The following FHIP1B variants were observed in gnomAD, a reference collection of about 807,000 sequenced individuals.
FHIP1B encodes the protein FHF complex subunit HOOK-interacting protein 1B.
In FHIP1B, 28 loss-of-function variants were observed where a neutral mutation model predicts 82.2. The observed-to-expected ratio is 0.34, with a 90% CI of 0.25 to 0.47. The LOEUF (loss-of-function observed/expected upper bound fraction) is 0.47, where lower values mean the gene tolerates loss of function less well. FHIP1B is among the 20% of genes least tolerant of loss of function. The probability of loss-of-function intolerance (pLI) is 1.00; values close to 1 mark genes in which losing one functional copy is unlikely to be tolerated. For missense variants in FHIP1B, 1,110 were observed against 1,262.6 expected (o/e 0.88, Z 1.83); for synonymous variants, 585 against 516.1 (o/e 1.13, Z -1.81).
chr11:6,229,206 C>T (rs1279839730), intron 1 of FHIP1B, among the ~76,000 whole-genome samples: 1 of 152,170 alleles, frequency 6.6e-6, no homozygotes, highest in African/African-American at 2.4e-5. Context: ...ACTCTGGAGT[C>T]CCTCAATGGT....
Position 6,211,604 on chromosome 11 carries a change from T to C in FHIP1B, c.2821A>G (p.Ile941Val). ...GAGGTGACGGCATGAGCCTGGGAGA[T>C]GGCAGCCAACTCCTTGAGAAATTCA... ...FPEFLKELAA[I>V]SQAHAVTSPF... Residue 941 changes from isoleucine to valine, a missense_variant, in exon 12 of 12, where the codon ATC (isoleucine) becomes GTC (valine). Physicochemically the swap from Ile to Val is conservative, Grantham distance 29. Around this residue, in one of 6 missense-constraint regions of FHIP1B, gnomAD observed 10 missense variants for 33.2 expected, o/e 0.30. Transcript: ENST00000449352. The C allele has an allele frequency of 6.2e-7, 1 of 1,614,222 alleles. No homozygotes were observed. Among genetic ancestry groups the C allele is most frequent in the Non-Finnish European group, 8.5e-7 (1 of 1,180,034 alleles).
intron 11 of FHIP1B, chr11:6,212,079 C>G: frequency 1.9e-6 from 1 of 522,426 alleles, no homozygotes. Flanking sequence ...GTGAGGAGTT[C>G]TTTCTCACTC....
At chr11:6,220,760 A>G (rs1316945727) in intron 6 of FHIP1B, among the ~76,000 whole-genome samples, 1 of 152,240 alleles carries the variant, frequency 6.6e-6, no homozygotes, top group Non-Finnish European at 1.5e-5. Context: ...AAAATGAAAG[A>G]TAGTGAGTAA....
intron 1 of FHIP1B, among the ~76,000 whole-genome samples, chr11:6,232,346 T>C (rs1847719935): frequency 6.6e-6 from 1 of 152,244 alleles, no homozygotes; most frequent in Admixed American, 6.5e-5. Context: ...CCAGGTATTA[T>C]ATATACCTGT....
At position 6,224,119 on chromosome 11, in the gene FHIP1B, G is replaced by A; in HGVS notation, c.268C>T (p.Pro90Ser). 1 of 1,613,846 alleles carries A rather than the reference G, an allele frequency of 6.2e-7. No individual in the cohort carries two copies. The highest frequency in any genetic ancestry group is 1.1e-5 in the South Asian group (1 of 91,050). The change falls in exon 3 of 12, where the codon CCC becomes TCC. Residue 90 changes from proline (P) to serine (S), a missense_variant. Coordinates refer to ENST00000449352, the MANE Select transcript of FHIP1B (RefSeq NM_001098794.2). The part of the protein sequence containing the change: ...LAEDRAVPSA[P>S]TGPGPLLEFA... ...TCCAGCAGGGGCCCAGGGCCTGTGG[G>A]GGCCGAGGGAACTGCACGGTCCTCT...
At chr11:6,228,196 C>A (rs1399533735) in intron 1 of FHIP1B, among the ~76,000 whole-genome samples, 1 of 151,942 alleles carries the variant, frequency 6.6e-6, no homozygotes, top group Non-Finnish European at 1.5e-5. Context: ...TTAAAAAATA[C>A]AAAATTAGCT....
At chr11:6,222,750 T>C (rs993671283) in intron 5 of FHIP1B, 61 bp downstream of exon 5, 3 of 1,576,022 alleles carry the variant, frequency 1.9e-6, no homozygotes, top group African/African-American at 2.7e-5. Flanking sequence ...ACGTTAGTCC[T>C]GTCACTGAGG....
chr11:6,229,286 C>G (rs1478394069), intron 1 of FHIP1B, among the ~76,000 whole-genome samples: 1 of 152,224 alleles, frequency 6.6e-6, no homozygotes, highest in African/African-American at 2.4e-5. Context: ...TGAGCCTCAG[C>G]TTCCTCATCT....
intron 1 of FHIP1B, among the ~76,000 whole-genome samples, chr11:6,229,212 A>G (rs1237643471): frequency 6.6e-6 from 1 of 152,262 alleles, no homozygotes. Context: ...GAGTCCCTCA[A>G]TGGTTTGAAT....
At chr11:6,225,254 C>T (rs917376860) in intron 1 of FHIP1B, among the ~76,000 whole-genome samples, 34 of 152,214 alleles carry the variant, frequency 2.2e-4, no homozygotes, top group African/African-American at 3.1e-4. Flanking sequence ...CTACCATTCT[C>T]CTTCTCACTC....
chr11:6,219,083 A>G (rs1447001668), intron 6 of FHIP1B, 33 bp from the exon 7 acceptor site: 2 of 1,542,218 alleles, frequency 1.3e-6, no homozygotes, highest in Admixed American at 3.5e-5. Flanking sequence ...GGGAGTCACC[A>G]TAAGAGCTCT....
At chr11:6,234,360 A>C (rs988348297) in intron 1 of FHIP1B, among the ~76,000 whole-genome samples, 184 bp downstream of exon 1, 1 of 151,946 alleles carries the variant, frequency 6.6e-6, no homozygotes, top group Non-Finnish European at 1.5e-5. Flanking sequence ...CCAGCCTCTC[A>C]CAGCCCCTCA....
intron 6 of FHIP1B, among the ~76,000 whole-genome samples, chr11:6,220,350 A>G (rs1258787282): frequency 6.6e-6 from 1 of 152,140 alleles, no homozygotes; most frequent in Non-Finnish European, 1.5e-5. Flanking sequence ...GGCCTCCTGA[A>G]AGGAACACAG....
intron 6 of FHIP1B, among the ~76,000 whole-genome samples, chr11:6,220,327 G>T (rs139905712): frequency 6.6e-6 from 1 of 152,064 alleles, no homozygotes; most frequent in Non-Finnish European, 1.5e-5. Flanking sequence ...TAAGGAAATG[G>T]ATCCTGTCCT....
chr11:6,224,673 G>C lies in FHIP1B; in HGVS notation c.-157C>G. 1.4e-6 allele frequency: 1 copy of C among 698,536 alleles called. No homozygotes were observed. 43.3% of individuals were successfully genotyped at this position (698,536 alleles called of 1,614,324 possible). A position where few individuals can be genotyped will look rare whatever the true frequency, so the allele number is the denominator to read the frequency against. ...AGGTTATACCAGGCTGGAATGGCAA[G>C]CCCAGAGGTCACTGGCCAGTCCAGA... On this transcript the variant is annotated 5_prime_UTR_variant, in exon 2 of 12. Coordinates refer to ENST00000449352, the MANE Select transcript of FHIP1B (RefSeq NM_001098794.2).
chr11:6,223,822 G>A lies in FHIP1B; in HGVS notation c.565C>T (p.Gln189Ter). ...LLSQLCVCVA[Q>*]EPSLLEFFLQ... ...AAGAACTCGAGCAATGAAGGCTCCT[G>A]GGCCACACAAACACACAGCTGGCTG... The change falls in exon 3 of 12, where the codon CAG (glutamine) becomes TAG (stop). Residue 189 changes from glutamine (Q) to a stop codon, truncating the protein, a stop_gained. Coordinates refer to ENST00000449352, the MANE Select transcript of FHIP1B (RefSeq NM_001098794.2). LOFTEE classifies it high-confidence loss of function. This position sits in a 1 kb window ranked among gnomAD's most constrained non-coding sequence, Gnocchi z 4.8. 1.2e-6 allele frequency: 2 copies of A among 1,614,202 alleles called. No individual in the cohort carries two copies. The highest frequency in any genetic ancestry group is 1.7e-6 in the Non-Finnish European group (2 of 1,180,028).
At chr11:6,233,564 T>C (rs2133859956) in intron 1 of FHIP1B, among the ~76,000 whole-genome samples, 1 of 152,320 alleles carries the variant, frequency 6.6e-6, no homozygotes, top group Non-Finnish European at 1.5e-5. Context: ...TCAAAACTCA[T>C]CAAACACACA....
intron 6 of FHIP1B, among the ~76,000 whole-genome samples, chr11:6,221,685 T>G (rs1220306761): frequency 6.6e-6 from 1 of 152,204 alleles, no homozygotes. Flanking sequence ...TTCTTCTACT[T>G]GATCAATAAG....
In FHIP1B at chr11:6,211,357, T is replaced by G; in HGVS notation, c.*149A>C. 8.3e-7 allele frequency: 1 copy of G among 1,197,942 alleles called. No individual in the cohort carries two copies. The highest frequency in any genetic ancestry group is 1.7e-5 in the South Asian group (1 of 59,924). The allele number at this position is 1,197,942 out of a possible 1,614,324, so 74.2% of individuals were successfully genotyped here. On this transcript the variant is annotated 3_prime_UTR_variant, in exon 12 of 12. Transcript: ENST00000449352. ...AATGAGCACAGAATAGAGATTTCCCTTTTATACATATTGCAACAAGTTCTC... is the reference window on the plus strand; with the variant it reads ...AATGAGCACAGAATAGAGATTTCCCGTTTATACATATTGCAACAAGTTCTC...
Sources: allele counts gnomAD v4.1 joint callset (sites outside exome capture counted in the v4.1 genomes callset), GRCh38; gene constraint gnomAD v4.1.1; regional missense constraint gnomAD v4.1.1; non-coding constraint Gnocchi (gnomAD v3.1); transcripts MANE v1.5; gene names NCBI Gene and HGNC (gene_info 2026-07-23, HGNC 2026-07-21).